ADAM22: variants seen among roughly 807,000 people sequenced by gnomAD.
The protein encoded by ADAM22 is disintegrin and metalloproteinase domain-containing protein 22.
A neutral mutation model predicts 144.6 loss-of-function variants in ADAM22; 65 were observed. The ratio of observed to expected loss-of-function variants is 0.45; its 90% CI spans 0.37 to 0.55. ADAM22 has a LOEUF of 0.55. Among genes scored for constraint, ADAM22 ranks in the 20% least tolerant of loss-of-function variants. The probability of loss-of-function intolerance (pLI) is 0.00; values close to 1 mark genes in which losing one functional copy is unlikely to be tolerated. For synonymous variants in ADAM22, 391 were observed against 412.6 expected, an observed-to-expected ratio of 0.95 and a Z score of 0.63; for missense variants, 974 against 1,184.9, an observed-to-expected ratio of 0.82 and a Z score of 2.61.
At chr7:88,101,780 AG>A (rs1822995088) in intron 4 of ADAM22, among the ~76,000 whole-genome samples, 1 of 152,172 alleles carries the variant, frequency 6.6e-6, no homozygotes, top group African/African-American at 2.4e-5. Flanking sequence ...AGCAGTGAGG[AG>A]CTTCAGAATC....
chr7:87,954,596 T>A lies in ADAM22; in HGVS notation c.246+19410T>A, dbSNP rs577422766. Among the ~76,000 whole-genome samples the A allele has an allele frequency of 1.9e-4, 29 of 152,310 alleles. No individual in the cohort carries two copies. In the South Asian group the frequency reaches 3.7e-3, roughly 20 times the overall value. On this transcript the variant is annotated intron_variant, in intron 2 of 31. Coordinates refer to ENST00000413139, the MANE Select transcript of ADAM22 (RefSeq NM_001324418.2). ...TAACATTTTTTCCTTCATTTCAACT[T>A]TGGTGAATCTGACAATTATGTGTCT...
At chr7:88,077,065 A>G (rs1465782672) in intron 4 of ADAM22, among the ~76,000 whole-genome samples, 2 of 152,208 alleles carry the variant, frequency 1.3e-5, no homozygotes, top group African/African-American at 4.8e-5. Flanking sequence ...AGATATTTAT[A>G]TAGTATCATA....
rs530065457 is a variant in ADAM22, at chr7:88,131,467, T to C, written c.992+32T>C. 5.0e-6 allele frequency: 8 copies of C among 1,603,206 alleles called. No individual in the cohort carries two copies. The East Asian group carries it at 1.6e-4, about 31-fold the overall frequency. On this transcript the variant is annotated intron_variant, in intron 11 of 31. Coordinates refer to ENST00000413139, the MANE Select transcript of ADAM22 (RefSeq NM_001324418.2). ...AACTTCTGTAATGATGTATTACTTTTTTTGATTCCATGTTAAATGCTTTAT... is the reference window on the plus strand; with the variant it reads ...AACTTCTGTAATGATGTATTACTTTCTTTGATTCCATGTTAAATGCTTTAT...
chr7:88,118,440 A>G (rs945526694), intron 7 of ADAM22, among the ~76,000 whole-genome samples: 2 of 152,110 alleles, frequency 1.3e-5, no homozygotes, highest in Non-Finnish European at 2.9e-5. Context: ...GACTTTTTAG[A>G]CTGTTCTTTC....
intron 2 of ADAM22, among the ~76,000 whole-genome samples, chr7:87,942,930 A>G (rs1842758002): frequency 1.3e-5 from 2 of 152,092 alleles, no homozygotes; most frequent in African/African-American, 4.8e-5. Context: ...CCTTCATAGA[A>G]CTAGCAGTAC....
chr7:88,020,261 A>AT (rs1797530877), intron 3 of ADAM22, among the ~76,000 whole-genome samples: 1 of 152,036 alleles, frequency 6.6e-6, no homozygotes, highest in Non-Finnish European at 1.5e-5. Flanking sequence ...TCATTAGTAT[A>AT]TTTTTTTCCT....
At chr7:88,167,103 A>G (rs1843131611) in intron 24 of ADAM22, among the ~76,000 whole-genome samples, 3 of 152,168 alleles carry the variant, frequency 2.0e-5, no homozygotes, top group Admixed American at 1.3e-4. Flanking sequence ...CACTACTATC[A>G]TGGAGAATTG....
intron 2 of ADAM22, among the ~76,000 whole-genome samples, chr7:87,962,556 C>CT (rs1030971694): frequency 2.0e-5 from 3 of 151,734 alleles, no homozygotes; most frequent in East Asian, 3.9e-4. Context: ...ACTGCTTACA[C>CT]TTTTTTTTAA....
intron 4 of ADAM22, among the ~76,000 whole-genome samples, chr7:88,080,364 T>C (rs58777958): frequency 4.6e-5 from 7 of 152,074 alleles, no homozygotes; most frequent in Admixed American, 4.6e-4. Context: ...GAGGGAAATT[T>C]ATAGCACTAA....
At chr7:88,051,846 A>C (rs1806519540) in intron 3 of ADAM22, among the ~76,000 whole-genome samples, 1 of 151,714 alleles carries the variant, frequency 6.6e-6, no homozygotes, top group Non-Finnish European at 1.5e-5. Context: ...TACTAGACCC[A>C]TTGTGCCCAC....
chr7:88,146,590 A>G lies in ADAM22; in HGVS notation c.1485+1083A>G, dbSNP rs1389842829. On this transcript the variant is annotated intron_variant, in intron 17 of 31. Transcript: ENST00000413139. ...ATGGGACAGCCAAAAATGTCCCCAG[A>G]CACTGCCAAATGTTCCCTTGTGGGT... Among the ~76,000 whole-genome samples, 3 of 152,196 alleles carry G rather than the reference A, an allele frequency of 2.0e-5. No individual in the cohort carries two copies. In the East Asian group the frequency reaches 5.8e-4, roughly 29 times the overall value.
In ADAM22 at chr7:88,139,504, C is replaced by T. The variant is rs186470513; in HGVS notation, c.1220+3473C>T. Among the ~76,000 whole-genome samples, 69 of 151,888 alleles carry T rather than the reference C, an allele frequency of 4.5e-4. 1 individual carries two copies. The highest frequency in any genetic ancestry group is 3.4e-3 in the Middle Eastern group (1 of 290). On this transcript the variant is annotated intron_variant, in intron 14 of 31. Coordinates refer to ENST00000413139, the MANE Select transcript of ADAM22 (RefSeq NM_001324418.2). ...ACCTATTTAAATTTGATAACTCTGG[C>T]AGAGATATGTTGGATAGATTAGAGG...
chr7:88,030,708 C>T (rs1278223831), intron 3 of ADAM22, among the ~76,000 whole-genome samples: 1 of 152,132 alleles, frequency 6.6e-6, no homozygotes, highest in African/African-American at 2.4e-5. Context: ...CTCTCTCATG[C>T]CAGCCAAGTG....
rs189856979 is a variant in ADAM22, at chr7:88,003,348, A to C, written c.323+24936A>C. Among the ~76,000 whole-genome samples, 232 of 152,372 alleles carry C rather than the reference A, an allele frequency of 1.5e-3. 1 individual carries two copies. The highest frequency in any genetic ancestry group is 5.3e-3 in the African/African-American group (221 of 41,588). On this transcript the variant is annotated intron_variant, in intron 3 of 31. Transcript: ENST00000413139. ...GGAAACTCAGGCTTAGAGGAGTTAA[A>C]TAACTTGCTCAGGGTTCTACAATTG...
intron 3 of ADAM22, among the ~76,000 whole-genome samples, chr7:88,047,784 A>G (rs943630945): frequency 6.6e-6 from 1 of 152,134 alleles, no homozygotes; most frequent in African/African-American, 2.4e-5. Flanking sequence ...ACAAAAATTT[A>G]TTTTTAAAGT....
chr7:88,095,325 A>G (rs1820971918), intron 4 of ADAM22, among the ~76,000 whole-genome samples: 1 of 152,222 alleles, frequency 6.6e-6, no homozygotes, highest in African/African-American at 2.4e-5. Flanking sequence ...ATATTTGTTC[A>G]TAGAAGACAA....
intron 3 of ADAM22, among the ~76,000 whole-genome samples, chr7:88,018,836 A>G (rs1797112703): frequency 1.3e-5 from 2 of 152,196 alleles, no homozygotes; most frequent in Admixed American, 6.5e-5. Flanking sequence ...ATGGCAATCT[A>G]TAGGAGGCAA....
chr7:87,976,811 T>C (rs984950283), intron 2 of ADAM22, among the ~76,000 whole-genome samples: 22 of 151,398 alleles, frequency 1.5e-4, no homozygotes, highest in African/African-American at 5.3e-4. Flanking sequence ...CCATTATGCC[T>C]GGGGTGGGGA....
intron 14 of ADAM22, among the ~76,000 whole-genome samples, 181 bp from the exon 15 acceptor site, chr7:88,142,845 A>C (rs1274251338): frequency 2.6e-5 from 4 of 152,128 alleles, no homozygotes; most frequent in Non-Finnish European, 2.9e-5. Flanking sequence ...CTCAAAAAAA[A>C]AAAAAAGAAA....
Sources: allele counts gnomAD v4.1 joint callset (sites outside exome capture counted in the v4.1 genomes callset), GRCh38; gene constraint gnomAD v4.1.1; transcripts MANE v1.5; gene names NCBI Gene and HGNC (gene_info 2026-07-23, HGNC 2026-07-21).